The following GCNT1 variants were observed in gnomAD, a reference collection of about 807,000 sequenced individuals.
GCNT1 encodes glucosaminyl (N-acetyl) transferase 1, also known as beta-1,3-galactosyl-O-glycosyl-glycoprotein beta-1,6-N-acetylglucosaminyltransferase.
GCNT1 carries 16 observed loss-of-function variants against 26.2 expected under a neutral mutation model. That is an observed-to-expected ratio of 0.61 (90% CI 0.41 to 0.93). The LOEUF (loss-of-function observed/expected upper bound fraction) is 0.93, where lower values mean the gene tolerates loss of function less well. GCNT1 is among the 40% of genes least tolerant of loss of function. The probability of loss-of-function intolerance (pLI) is 0.00; values close to 1 mark genes in which losing one functional copy is unlikely to be tolerated. For missense variants in GCNT1, 477 were observed against 526.7 expected (o/e 0.91, Z 0.92); for synonymous variants, 183 against 190.8 (o/e 0.96, Z 0.34).
chr9:76,487,159 G>A (rs1824602636), intron 2 of GCNT1, among the ~76,000 whole-genome samples: 1 of 152,178 alleles, frequency 6.6e-6, no homozygotes, highest in Non-Finnish European at 1.5e-5. Flanking sequence ...CTATGAAAGT[G>A]CAATTGGCCA....
At chr9:76,452,947 G>A (rs1397741854) in intron 1 of GCNT1, among the ~76,000 whole-genome samples, 2 of 152,116 alleles carry the variant, frequency 1.3e-5, no homozygotes, top group African/African-American at 2.4e-5. Context: ...ACATCCTCCC[G>A]TGGAATAAAA....
At chr9:76,424,260 C>T (rs1049336388) in intron 1 of GCNT1, among the ~76,000 whole-genome samples, 7 of 152,114 alleles carry the variant, frequency 4.6e-5, no homozygotes, top group African/African-American at 1.7e-4. Flanking sequence ...GGAATCAAGG[C>T]CTGGGTCCTG....
intron 2 of GCNT1, among the ~76,000 whole-genome samples, chr9:76,494,807 A>G (rs182202307): frequency 2.8e-4 from 43 of 152,246 alleles, no homozygotes; most frequent in Non-Finnish European, 4.7e-4. Flanking sequence ...CTTGGGTGAT[A>G]TGACTTGGAG....
At chr9:76,421,306 T>G (rs1172917404) in intron 1 of GCNT1, among the ~76,000 whole-genome samples, 1 of 152,080 alleles carries the variant, frequency 6.6e-6, no homozygotes, top group Admixed American at 6.6e-5. Flanking sequence ...TTTTTACAAA[T>G]AAGTAAATGT....
upstream of GCNT1, among the ~76,000 whole-genome samples, chr9:76,438,073 G>T (rs1008643008): frequency 5.3e-5 from 8 of 152,186 alleles, no homozygotes; most frequent in African/African-American, 1.7e-4. Flanking sequence ...ATCTGAGACA[G>T]GTCTCAAGCA....
intron 2 of GCNT1, among the ~76,000 whole-genome samples, chr9:76,496,600 CTT>C (rs58468655): frequency 0.22 from 32,995 of 152,060 alleles, 4,737 homozygotes; most frequent in East Asian, 0.58. Flanking sequence ...TGTTGGAACA[CTT>C]TTAGTGACCA....
intron 2 of GCNT1, among the ~76,000 whole-genome samples, chr9:76,478,650 C>T (rs751753061): frequency 6.6e-6 from 1 of 152,096 alleles, no homozygotes; most frequent in South Asian, 2.1e-4. Flanking sequence ...CATGTTGTAC[C>T]CTAAGCCAGA....
At chr9:76,403,624 T>C in the GCNT1 span, among the ~76,000 whole-genome samples, 160 of 152,362 alleles carry the variant, frequency 1.1e-3, no homozygotes, top group Non-Finnish European at 1.8e-3. Context: ...TCAGAAATGT[T>C]TGGCCTGCTC....
upstream of GCNT1, among the ~76,000 whole-genome samples, chr9:76,441,287 A>G (rs1407018653): frequency 6.6e-6 from 1 of 152,026 alleles, no homozygotes; most frequent in East Asian, 2.0e-4. Context: ...CTGAGACTAC[A>G]GGTGCCCACC....
At chr9:76,399,516 C>T in the GCNT1 span, 13 of 1,586,368 alleles carry the variant, frequency 8.2e-6, no homozygotes, top group East Asian at 6.7e-5. Context: ...CAGCCTGCCA[C>T]GGAAGACTGG....
chr9:76,502,165 C>CTCTG, intron 3 of GCNT1, 74 bp from the exon 4 acceptor site: 1 of 121,588 alleles, frequency 8.2e-6, no homozygotes, highest in Non-Finnish European at 1.4e-5. Context: ...AACTCTCTCT[C>CTCTG]TCTCTCTCTC....
intron 2 of GCNT1, among the ~76,000 whole-genome samples, chr9:76,484,801 T>C (rs1343671124): frequency 6.6e-6 from 1 of 151,238 alleles, no homozygotes; most frequent in African/African-American, 2.4e-5. Flanking sequence ...TTTTTTTTTT[T>C]TTTCTGAGAT....
In GCNT1 at chr9:76,507,330, T is replaced by C. The variant is rs1825265508; in HGVS notation, c.*3662T>C. 6.0e-6 allele frequency: 1 copy of C among 167,066 alleles called. No individual in the cohort carries two copies. Among genetic ancestry groups the C allele is most frequent in the African/African-American group, 2.4e-5 (1 of 41,470 alleles). 10.3% of individuals were successfully genotyped at this position (167,066 alleles called of 1,614,324 possible). A position where few individuals can be genotyped will look rare whatever the true frequency, so the allele number is the denominator to read the frequency against. ...TATTTCATGATAAACATGGTCACTG[T>C]AAGTTTTACTCTTTTGAATGAGGGT... is the stretch of plus-strand genomic sequence containing the variant. On this transcript the variant is annotated 3_prime_UTR_variant, in exon 4 of 4. Transcript: ENST00000376730.
chr9:76,416,836 A>G (rs1587401088), upstream of GCNT1, among the ~76,000 whole-genome samples: 1 of 152,198 alleles, frequency 6.6e-6, no homozygotes, highest in Non-Finnish European at 1.5e-5. Flanking sequence ...AGGCGGGTGG[A>G]TCACTTGAAG....
intron 1 of GCNT1, among the ~76,000 whole-genome samples, chr9:76,451,982 G>A (rs62564446): frequency 0.29 from 25,321 of 87,182 alleles, 2,641 homozygotes; most frequent in Non-Finnish European, 0.36. Context: ...TGTTGTTGTT[G>A]TTTTGAGATG....
intron 2 of GCNT1, among the ~76,000 whole-genome samples, chr9:76,472,938 G>A (rs1328701990): frequency 2.0e-5 from 3 of 151,850 alleles, no homozygotes; most frequent in East Asian, 3.9e-4. Flanking sequence ...TAGAAGAGAC[G>A]GGGTTTCACC....
intron 2 of GCNT1, among the ~76,000 whole-genome samples, chr9:76,464,432 G>T (rs1823950455): frequency 6.6e-6 from 1 of 152,150 alleles, no homozygotes; most frequent in Admixed American, 6.5e-5. Context: ...GCCCAGGCTG[G>T]TCTCAAACTC....
At position 76,461,843 on chromosome 9, in the gene GCNT1, C is replaced by T. The variant is rs544479363; in HGVS notation, c.-290+1666C>T. 5.3e-5 allele frequency among the ~76,000 whole-genome samples: 8 copies of T among 152,010 alleles called. No individual in the cohort carries two copies. The South Asian group carries it at 1.2e-3, about 24-fold the overall frequency. On this transcript the variant is annotated intron_variant, in intron 2 of 3. Coordinates refer to ENST00000376730, the MANE Select transcript of GCNT1 (RefSeq NM_001490.5). ...GGCGGAGGTTAGGATGAGCAGGGAT[C>T]GTGCCACTGCACTCAAGCCTGGACG... is the stretch of plus-strand genomic sequence containing the variant.
upstream of GCNT1, among the ~76,000 whole-genome samples, chr9:76,440,200 T>C (rs1823466521): frequency 6.6e-6 from 1 of 152,134 alleles, no homozygotes; most frequent in Admixed American, 6.5e-5. Flanking sequence ...CTCTTCCTGC[T>C]CCTGACCCAC....
Sources: gnomAD v4.1 joint callset for allele counts (sites outside exome capture counted in the v4.1 genomes callset) on GRCh38, gnomAD v4.1.1 for gene constraint, MANE v1.5 for transcripts, NCBI Gene and HGNC (gene_info 2026-07-23, HGNC 2026-07-21) for gene names.